Variants in ALOXE3 observed in about 807,000 individuals in gnomAD.
The protein encoded by ALOXE3 is hydroperoxide isomerase ALOXE3.
Under a neutral mutation model 87.5 loss-of-function variants are expected in ALOXE3, and 78 were observed. The ratio of observed to expected loss-of-function variants is 0.89; its 90% CI spans 0.74 to 1.08. The LOEUF is 1.08. Ranked by LOEUF, ALOXE3 falls within the 50% of genes least tolerant of loss-of-function variation. The probability of loss-of-function intolerance (pLI) is 0.00; values close to 1 mark genes in which losing one functional copy is unlikely to be tolerated. For synonymous variants in ALOXE3, 363 were observed against 370.8 expected, an observed-to-expected ratio of 0.98 and a Z score of 0.24; for missense variants, 946 against 912.4, an observed-to-expected ratio of 1.04 and a Z score of -0.47.
Position 8,096,351 on chromosome 17 carries a change from G to T in ALOXE3, c.*276C>A. 1 of 420,692 alleles carries T rather than the reference G, an allele frequency of 2.4e-6. No homozygotes were observed. The highest frequency in any genetic ancestry group is 2.0e-5 in the African/African-American group (1 of 50,466). 26.1% of individuals were successfully genotyped at this position (420,692 alleles called of 1,614,324 possible). On this transcript the variant is annotated 3_prime_UTR_variant, in exon 16 of 16. Coordinates refer to ENST00000448843, the MANE Select transcript of ALOXE3 (RefSeq NM_021628.3). ...GGAACAAGAGGCTGCCCCAAGTGGG[G>T]CAAGAAGTGAAGCGGTTCCTTCCTT...
At chr17:8,104,255 G>A (rs1979125069) in intron 13 of ALOXE3, 40 bp from the exon 14 acceptor site, 1 of 1,515,006 alleles carries the variant, frequency 6.6e-7, no homozygotes, top group Non-Finnish European at 9.2e-7. Context: ...TGGATGGAAG[G>A]TACTGGATTC....
rs750553644 is a variant in ALOXE3, at chr17:8,109,241, C to T, written c.1495G>A (p.Gly499Ser). Residue 499 changes from glycine (G) to serine (S), a missense_variant, in exon 12 of 16, where the codon GGC becomes AGC. Gly to Ser is a moderately conservative substitution (Grantham distance 56). Transcript: ENST00000448843. Reference protein sequence around the residue: ...FCLPDSLRARGVLAIPNYHYR... With the variant: ...FCLPDSLRARSVLAIPNYHYR... ...TGGTAGTTGGGGATAGCCAGGACGC[C>T]GCGGGCCCGCAGGCTGTCCGGAAGG... The T allele has an allele frequency of 2.6e-5, 42 of 1,613,978 alleles. No individual in the cohort carries two copies. Among genetic ancestry groups the T allele is most frequent in the Middle Eastern group, 1.6e-4 (1 of 6,084 alleles).
rs1978516671 is a variant in ALOXE3 at position 8,095,949 on chromosome 17, G to C, written c.*678C>G. On this transcript the variant is annotated 3_prime_UTR_variant, in exon 16 of 16. Coordinates refer to ENST00000448843, the MANE Select transcript of ALOXE3 (RefSeq NM_021628.3). ...ATTGAACTCACTGGGCTCAAGGACA[G>C]AAAGAAAAAAATGGGATGAAAGGGA... 6.6e-6 allele frequency: 1 copy of C among 152,220 alleles called. No homozygotes were observed. The highest frequency in any genetic ancestry group is 2.4e-5 in the African/African-American group (1 of 41,416). The allele number at this position is 152,220 out of a possible 1,614,324, so 9.4% of individuals were successfully genotyped here.
At chr17:8,103,995 A>C in intron 14 of ALOXE3, 120 bp downstream of exon 14, 1 of 853,598 alleles carries the variant, frequency 1.2e-6, no homozygotes. Flanking sequence ...TGCCACTCCA[A>C]CCCCAAGTCT....
intron 15 of ALOXE3, among the ~76,000 whole-genome samples, chr17:8,099,532 A>C (rs1327424472): frequency 6.6e-6 from 1 of 151,924 alleles, no homozygotes; most frequent in East Asian, 1.9e-4. Flanking sequence ...GTGATGGTGC[A>C]TGCCTGTAAT....
chr17:8,096,903 C>T, intron 15 of ALOXE3, 97 bp from the exon 16 acceptor site: 1 of 1,400,220 alleles, frequency 7.1e-7, no homozygotes. Flanking sequence ...AAGGTGGCTT[C>T]TAGTAGCACA....
rs994562882 is a variant in ALOXE3, at chr17:8,110,006, C to A, written c.1306-4G>T. ...ATCGAGTGTGGGGGAGTAGGAGCTG[C>A]GAGCGGAGCGGATCACGTGAGCTGA... On this transcript the variant is annotated splice_polypyrimidine_tract_variant and splice_region_variant and intron_variant, in intron 10 of 15. Coordinates refer to ENST00000448843, the MANE Select transcript of ALOXE3 (RefSeq NM_021628.3). 1 of 1,557,144 alleles carries A rather than the reference C, an allele frequency of 6.4e-7. No individual in the cohort carries two copies. Among genetic ancestry groups the A allele is most frequent in the African/African-American group, 1.4e-5 (1 of 73,436 alleles).
intron 13 of ALOXE3, among the ~76,000 whole-genome samples, chr17:8,104,715 A>C (rs1979162394): frequency 6.6e-6 from 1 of 152,252 alleles, no homozygotes; most frequent in African/African-American, 2.4e-5. Context: ...GAGGGCAAGC[A>C]GGGCAGAAAG....
At chr17:8,099,586 G>T (rs758527004) in intron 15 of ALOXE3, among the ~76,000 whole-genome samples, 1 of 151,760 alleles carries the variant, frequency 6.6e-6, no homozygotes, top group African/African-American at 2.4e-5. Context: ...GCTTGAACCC[G>T]GGAGGCAGAG....
chr17:8,109,028 C>T (rs1598207245), intron 12 of ALOXE3, 146 bp downstream of exon 12: 2 of 1,302,572 alleles, frequency 1.5e-6, no homozygotes, highest in Non-Finnish European at 2.1e-6. Context: ...TCAGAAGGGA[C>T]CCCAAACTCA....
chr17:8,097,969 G>A (rs1189671734), intron 15 of ALOXE3, among the ~76,000 whole-genome samples: 12 of 151,694 alleles, frequency 7.9e-5, no homozygotes, highest in African/African-American at 2.7e-4. Flanking sequence ...GGATGGTCTC[G>A]ATCTCCTGAC....
rs893479469 is a variant in ALOXE3 at position 8,118,284 on chromosome 17, T to C, written c.-294A>G. 33 of 1,551,640 alleles carry C rather than the reference T, an allele frequency of 2.1e-5. No homozygotes were observed. The highest frequency in any genetic ancestry group is 2.7e-5 in the Non-Finnish European group (31 of 1,147,018). On this transcript the variant is annotated 5_prime_UTR_variant, in exon 2 of 16. In the 5' UTR this introduces an upstream ATG that the reference lacks. Coordinates refer to ENST00000448843, the MANE Select transcript of ALOXE3 (RefSeq NM_021628.3). ...CCTCTGGCTGGCTCACCCAGATGGATATCAGGAGCCTGGGTTCCACTGCGG... is the reference window on the plus strand; with the variant it reads ...CCTCTGGCTGGCTCACCCAGATGGACATCAGGAGCCTGGGTTCCACTGCGG...
Position 8,107,930 on chromosome 17 carries a change from A to G in ALOXE3, c.1684+538T>C, listed in dbSNP as rs1268147515. Among the ~76,000 whole-genome samples, 26 of 5,910 alleles carry G rather than the reference A, an allele frequency of 4.4e-3. 5 individuals are homozygous for G. The highest frequency in any genetic ancestry group is 9.8e-3 in the Non-Finnish European group (19 of 1,940). 3.9% of individuals were successfully genotyped at this position (5,910 alleles called of 152,430 possible). On this transcript the variant is annotated intron_variant, in intron 13 of 15. Coordinates refer to ENST00000448843, the MANE Select transcript of ALOXE3 (RefSeq NM_021628.3). ...GAAAGAAAGAAAGAAAGAAAGAAAG[A>G]AAGAAAGAAAGAAAGAAAGAAAGAA...
rs769882356 is a variant in ALOXE3 at position 8,116,915 on chromosome 17, C to T, written c.213G>A (p.Lys71=). The T allele has an allele frequency of 6.2e-7, 1 of 1,614,268 alleles. No individual in the cohort carries two copies. The highest frequency in any genetic ancestry group is 1.1e-5 in the South Asian group (1 of 91,084). Residue 71 remains lysine, a synonymous_variant, in exon 3 of 16, where the codon AAG becomes AAA. Coordinates refer to ENST00000448843, the MANE Select transcript of ALOXE3 (RefSeq NM_021628.3). ...LGELLLLRVH[K]ERYAFFRKDS... ...CCTTGCGGAAGAAAGCGTAGCGCTCCTTGTGTACACGCAGCAGCAAGAGCT... is the reference window on the plus strand; with the variant it reads ...CCTTGCGGAAGAAAGCGTAGCGCTCTTTGTGTACACGCAGCAGCAAGAGCT...
intron 9 of ALOXE3, 23 bp downstream of exon 9, chr17:8,110,362 C>CG: frequency 6.2e-7 from 1 of 1,604,326 alleles, no homozygotes; most frequent in Non-Finnish European, 8.5e-7. Context: ...GCCCCCATCC[C>CG]GGGGCGGCGG....
In ALOXE3 at chr17:8,110,465, C is replaced by G. The variant is rs781305724; in HGVS notation, c.1021G>C (p.Gly341Arg). The part of the protein sequence containing the change: ...LAEAPTHCLN[G>R]RQQYVAAPLC... Reference sequence around the variant, plus strand: ...GGGGCGGCCACGTACTGCTGGCGGCCGTTTAGGCAGTGGGTGGGGGCCTCC... The same window carrying G: ...GGGGCGGCCACGTACTGCTGGCGGCGGTTTAGGCAGTGGGTGGGGGCCTCC... Residue 341 changes from glycine (G) to arginine (R), a missense_variant, in exon 9 of 16, where the codon GGC (glycine) becomes CGC (arginine). By Grantham distance (125) the Gly-to-Arg change is moderately radical (BLOSUM62 -2). Coordinates refer to ENST00000448843, the MANE Select transcript of ALOXE3 (RefSeq NM_021628.3). 8 of 1,613,534 alleles carry G rather than the reference C, an allele frequency of 5.0e-6. No individual in the cohort carries two copies. The highest frequency in any genetic ancestry group is 6.8e-6 in the Non-Finnish European group (8 of 1,179,796).
intron 15 of ALOXE3, among the ~76,000 whole-genome samples, chr17:8,102,744 T>C (rs1018836992): frequency 1.3e-5 from 2 of 152,236 alleles, no homozygotes. Context: ...GAAGCCTTCC[T>C]GGGTTCCCCC....
chr17:8,102,163 G>C (rs978578630), intron 15 of ALOXE3, among the ~76,000 whole-genome samples: 1 of 152,182 alleles, frequency 6.6e-6, no homozygotes, highest in African/African-American at 2.4e-5. Flanking sequence ...GAGCACCCTA[G>C]CTAAAGCAGA....
upstream of ALOXE3, chr17:8,118,889 C>A: frequency 1.3e-6 from 2 of 1,485,096 alleles, no homozygotes; most frequent in South Asian, 1.3e-5. Context: ...AAGCCCATAG[C>A]CCGCAGCGGC....
Sources: gnomAD v4.1 joint callset for allele counts (sites outside exome capture counted in the v4.1 genomes callset) on GRCh38, gnomAD v4.1.1 for gene constraint, MANE v1.5 for transcripts, NCBI Gene and HGNC (gene_info 2026-07-23, HGNC 2026-07-21) for gene names.